Variants in KLHL23 observed in about 807,000 individuals in gnomAD.
KLHL23 encodes the protein kelch like family member 23, also known as kelch-like protein 23.
A neutral mutation model predicts 48.9 loss-of-function variants in KLHL23; 33 were observed. The ratio of observed to expected loss-of-function variants is 0.67; its 90% confidence interval spans 0.51 to 0.90. KLHL23 has a LOEUF of 0.90. KLHL23 is among the 40% of genes least tolerant of loss of function. The pLI is 0.00. For synonymous variants in KLHL23, 234 were observed against 231.6 expected (o/e 1.01, Z -0.09); for missense variants, 608 against 669.6 (o/e 0.91, Z 1.02).
intron 3 of KLHL23, among the ~76,000 whole-genome samples, chr2:169,748,657 G>A (rs947625212): frequency 8.2e-5 from 2 of 24,280 alleles, no homozygotes; most frequent in Admixed American, 6.1e-4. Flanking sequence ...CACAGCCCTG[G>A]GAAGAAGGGA....
At chr2:169,747,389 TAAAAAAA>T (rs10690582) in intron 3 of KLHL23, among the ~76,000 whole-genome samples, 1 of 69,204 alleles carries the variant, frequency 1.4e-5, no homozygotes, top group Non-Finnish European at 2.6e-5. Context: ...ACTCTGTCTC[TAAAAAAA>T]AAAAAAAAAA....
chr2:169,749,936 CACACATATATGTGTTCATATATATGTAT>C lies in KLHL23; in HGVS notation c.*208_*235del, dbSNP rs1688904541. ...TCTTATATATATATATATATACACA[CACACATATATGTGTTCATATATATGTAT>C]ACATATATATGTGTATATATACGTA... On this transcript the variant is annotated 3_prime_UTR_variant, in exon 4 of 4. Transcript: ENST00000392647. The C allele has an allele frequency of 4.8e-6, 1 of 208,200 alleles. No individual in the cohort carries two copies. Among genetic ancestry groups the C allele is most frequent in the African/African-American group, 4.4e-5 (1 of 22,630 alleles). The allele number at this position is 208,200 out of a possible 1,614,324, so 12.9% of individuals were successfully genotyped here. A position where few individuals can be genotyped will look rare whatever the true frequency, so the allele number is the denominator to read the frequency against.
chr2:169,745,897 C>T (rs1273394238), intron 3 of KLHL23, among the ~76,000 whole-genome samples: 1 of 152,138 alleles, frequency 6.6e-6, no homozygotes, highest in Admixed American at 6.6e-5. Context: ...AGCTGTCCAG[C>T]AGGCAAAGGG....
chr2:169,744,509 G>A (rs1429046324), intron 3 of KLHL23, among the ~76,000 whole-genome samples: 1 of 152,086 alleles, frequency 6.6e-6, no homozygotes, highest in Non-Finnish European at 1.5e-5. Flanking sequence ...GATCGGATGG[G>A]AGAGTTCAGT....
At chr2:169,744,562 A>AT (rs139426346) in intron 3 of KLHL23, among the ~76,000 whole-genome samples, 46,371 of 145,362 alleles carry the variant, frequency 0.32, 8,201 homozygotes, top group African/African-American at 0.5. Context: ...AGTCTGGGTA[A>AT]TTTTTTTTTT....
chr2:169,742,222 C>T (rs1389964695), intron 3 of KLHL23, among the ~76,000 whole-genome samples: 2 of 152,198 alleles, frequency 1.3e-5, no homozygotes, highest in Non-Finnish European at 2.9e-5. Flanking sequence ...CACCATGTTA[C>T]CTTGAATCAT....
At position 169,735,135 on chromosome 2, in the gene KLHL23, C is replaced by T; in HGVS notation, c.121C>T (p.Gln41Ter). ...LDGLFTDITLQCPSGIIFHCH... is the reference protein window; with the variant it reads ...LDGLFTDITL ...TGGATTATTTACTGATATTACTCTT[C>T]AGTGTCCTTCAGGCATAATTTTCCA... The change falls in exon 2 of 4, where the codon CAG (glutamine) becomes TAG (stop). Residue 41 changes from glutamine (Q) to a stop codon, truncating the protein, a stop_gained. Coordinates refer to ENST00000392647, the MANE Select transcript of KLHL23 (RefSeq NM_144711.6). LOFTEE classifies it high-confidence loss of function. This position sits in a 1 kb window ranked among gnomAD's most constrained non-coding sequence, Gnocchi z 4.5. 6.2e-7 allele frequency: 1 copy of T among 1,613,122 alleles called. No individual in the cohort carries two copies.
At chr2:169,734,551 CTCT>C (rs888041817) in intron 1 of KLHL23, among the ~76,000 whole-genome samples, 52 of 152,274 alleles carry the variant, frequency 3.4e-4, no homozygotes, top group Non-Finnish European at 5.7e-4. Context: ...TTTCCGAGAC[CTCT>C]TCTTGTCCAT....
At chr2:169,749,356 A>G (rs1688883417) in intron 3 of KLHL23, 66 bp from the exon 4 acceptor site, 1 of 1,436,152 alleles carries the variant, frequency 7.0e-7, no homozygotes, top group Non-Finnish European at 9.2e-7. Context: ...ACATTACCAC[A>G]CTGTGGAATC....
chr2:169,740,253 C>T (rs1004324680), intron 2 of KLHL23, among the ~76,000 whole-genome samples: 5 of 152,118 alleles, frequency 3.3e-5, no homozygotes, highest in African/African-American at 1.2e-4. Context: ...GCTGGGACTA[C>T]AGGCACATGC....
At chr2:169,741,149 A>G (rs184508941) in intron 2 of KLHL23, 2 of 365,608 alleles carry the variant, frequency 5.5e-6, no homozygotes, top group East Asian at 8.3e-5. Flanking sequence ...CCACTCCATT[A>G]TAATTTTATG....
At chr2:169,748,407 C>A (rs1432366634) in intron 3 of KLHL23, among the ~76,000 whole-genome samples, 1 of 152,194 alleles carries the variant, frequency 6.6e-6, no homozygotes, top group Non-Finnish European at 1.5e-5. Context: ...CCTCCTCTTC[C>A]TTTGGGGCTC....
At chr2:169,741,284 T>A in intron 2 of KLHL23, 101 bp from the exon 3 acceptor site, 3 of 1,464,582 alleles carry the variant, frequency 2.0e-6, no homozygotes, top group Non-Finnish European at 2.7e-6. Context: ...CCTTGCATTT[T>A]ACCATCAGTA....
intron 2 of KLHL23, among the ~76,000 whole-genome samples, chr2:169,740,791 T>TATATATATATAA (rs1291405019): frequency 5.0e-5 from 7 of 140,238 alleles, no homozygotes; most frequent in Admixed American, 4.2e-4. Flanking sequence ...TATATATATA[T>TATATATATATAA]AACTTATTTA....
At chr2:169,748,122 T>C (rs1334917517) in intron 3 of KLHL23, among the ~76,000 whole-genome samples, 1 of 152,192 alleles carries the variant, frequency 6.6e-6, no homozygotes, top group Non-Finnish European at 1.5e-5. Context: ...AGACCCTGTC[T>C]CTAGGAAAGA....
chr2:169,734,826 A>G (rs577627128), intron 1 of KLHL23, among the ~76,000 whole-genome samples, 187 bp from the exon 2 acceptor site: 1 of 152,282 alleles, frequency 6.6e-6, no homozygotes, highest in East Asian at 1.9e-4. Context: ...GCTCCGAGCT[A>G]CCCTGAATTT....
In KLHL23 at chr2:169,751,443, G is replaced by A. The variant is rs1188054451; in HGVS notation, c.*1711G>A. On this transcript the variant is annotated 3_prime_UTR_variant, in exon 4 of 4. Transcript: ENST00000392647. The stretch of plus-strand genomic sequence containing the variant: ...TGGAAACACAATATGGTACTACATA[G>A]CAAGGGCTGTAAAAATGACCATATC... 3 of 152,150 alleles carry A rather than the reference G, an allele frequency of 2.0e-5. No homozygotes were observed. The highest frequency in any genetic ancestry group is 4.4e-5 in the Non-Finnish European group (3 of 68,032). The allele number at this position is 152,150 out of a possible 1,614,324, so 9.4% of individuals were successfully genotyped here.
chr2:169,749,287 G>A, intron 3 of KLHL23, 135 bp from the exon 4 acceptor site: 2 of 935,856 alleles, frequency 2.1e-6, no homozygotes, highest in Non-Finnish European at 3.1e-6. Flanking sequence ...AGTATTGTGT[G>A]CCTGAATCAA....
At position 169,749,515 on chromosome 2, in the gene KLHL23, A is replaced by G. The variant is rs760364924; in HGVS notation, c.1460A>G (p.Glu487Gly). The G allele has an allele frequency of 6.2e-7, 1 of 1,614,142 alleles. No individual in the cohort carries two copies. The highest frequency in any genetic ancestry group is 2.2e-5 in the East Asian group (1 of 44,882). ...ITECYDPEQNEWREIAPMMER... is the reference protein window; with the variant it reads ...ITECYDPEQNGWREIAPMMER... The stretch of plus-strand genomic sequence containing the variant: ...GAATGCTATGACCCTGAACAAAATG[A>G]ATGGAGAGAGATAGCTCCCATGATG... The change falls in exon 4 of 4, where the codon GAA (glutamate) becomes GGA (glycine). Residue 487 changes from glutamate to glycine, a missense_variant. Glu to Gly is a moderately conservative substitution (Grantham distance 98). Coordinates refer to ENST00000392647, the MANE Select transcript of KLHL23 (RefSeq NM_144711.6).
Sources: gnomAD v4.1 joint callset for allele counts (sites outside exome capture counted in the v4.1 genomes callset) on GRCh38, gnomAD v4.1.1 for gene constraint, Gnocchi (gnomAD v3.1) non-coding constraint, MANE v1.5 for transcripts, NCBI Gene and HGNC (gene_info 2026-07-23, HGNC 2026-07-21) for gene names.